The following TMEM132C variants were observed in gnomAD, a reference collection of about 807,000 sequenced individuals.
TMEM132C encodes protein phosphatase 1, regulatory subunit 152.
A neutral mutation model predicts 61.4 loss-of-function variants in TMEM132C; 29 were observed. That is an observed-to-expected ratio of 0.47 (90% CI 0.35 to 0.64). The LOEUF is 0.64. Ranked by LOEUF, TMEM132C falls within the 30% of genes least tolerant of loss-of-function variation. The pLI is 0.00. For missense variants in TMEM132C, 1,408 were observed against 1,476.9 expected, an observed-to-expected ratio of 0.95 and a Z score of 0.76; for synonymous variants, 656 against 633.1, an observed-to-expected ratio of 1.04 and a Z score of -0.54.
chr12:128,681,728 G>T (rs1233775063), intron 5 of TMEM132C, among the ~76,000 whole-genome samples: 1 of 146,414 alleles, frequency 6.8e-6, no homozygotes, highest in African/African-American at 2.5e-5. Context: ...ATCTTGGCTC[G>T]CTGCAACCTC....
At chr12:128,285,875 CCATCTCTAT>C (rs1871049154) in intron 1 of TMEM132C, among the ~76,000 whole-genome samples, 1 of 74,602 alleles carries the variant, frequency 1.3e-5, no homozygotes, top group African/African-American at 8.7e-5. Context: ...CTCTCTCTCC[CCATCTCTAT>C]CCCTCTCTCC....
intron 2 of TMEM132C, among the ~76,000 whole-genome samples, chr12:128,486,551 C>T (rs1422101355): frequency 2.0e-5 from 3 of 152,102 alleles, no homozygotes; most frequent in Non-Finnish European, 4.4e-5. Context: ...AAGTGTGGGT[C>T]GCTAAGACTT....
chr12:128,605,956 T>G (rs1198987419), intron 3 of TMEM132C, among the ~76,000 whole-genome samples: 1 of 152,230 alleles, frequency 6.6e-6, no homozygotes, highest in East Asian at 1.9e-4. Context: ...GGCAGAACCC[T>G]CTGCCCAGCA....
At chr12:128,381,565 G>A (rs546741010) in intron 1 of TMEM132C, among the ~76,000 whole-genome samples, 15 of 152,294 alleles carry the variant, frequency 9.8e-5, no homozygotes, top group African/African-American at 3.4e-4. Context: ...ACCTATGGAC[G>A]TGAGAGAGGA....
intron 3 of TMEM132C, among the ~76,000 whole-genome samples, chr12:128,581,470 A>G (rs1875332304): frequency 6.6e-6 from 1 of 152,162 alleles, no homozygotes; most frequent in South Asian, 2.1e-4. Context: ...GTTTCGCAGT[A>G]TTTCACAGCT....
chr12:128,318,459 C>T (rs893920450), intron 1 of TMEM132C, among the ~76,000 whole-genome samples: 5 of 152,182 alleles, frequency 3.3e-5, no homozygotes, highest in African/African-American at 9.6e-5. Context: ...ACTAATTTGA[C>T]TTGCTAAAGG....
At chr12:128,313,774 G>A (rs1046862139) in intron 1 of TMEM132C, among the ~76,000 whole-genome samples, 23 of 152,226 alleles carry the variant, frequency 1.5e-4, no homozygotes, top group African/African-American at 4.8e-4. Context: ...TCTGCTCCAT[G>A]AGGTGATTGC....
At chr12:128,549,983 TACACCCAATGGATC>T (rs1200093171) in intron 3 of TMEM132C, among the ~76,000 whole-genome samples, 1 of 152,124 alleles carries the variant, frequency 6.6e-6, no homozygotes, top group Non-Finnish European at 1.5e-5. Context: ...TGAAAGGAAA[TACACCCAATGGATC>T]ACCCCAGCTG....
intron 1 of TMEM132C, among the ~76,000 whole-genome samples, chr12:128,340,802 TC>T (rs1872936502): frequency 1.4e-5 from 2 of 139,680 alleles, no homozygotes; most frequent in South Asian, 4.3e-4. Context: ...TCTCTCTCTT[TC>T]TTTCTTTCTC....
intron 5 of TMEM132C, among the ~76,000 whole-genome samples, chr12:128,684,530 C>T (rs565179162): frequency 1.6e-4 from 24 of 152,348 alleles, no homozygotes; most frequent in African/African-American, 5.8e-4. Context: ...CAAGCTGGGC[C>T]AGGCAGCTCA....
chr12:128,462,359 G>A (rs1015212989), intron 2 of TMEM132C, among the ~76,000 whole-genome samples: 1 of 152,098 alleles, frequency 6.6e-6, no homozygotes, highest in Non-Finnish European at 1.5e-5. Context: ...CGCTGGCCTC[G>A]GCCTCCCAAA....
intron 1 of TMEM132C, among the ~76,000 whole-genome samples, chr12:128,413,689 CACTT>C (rs569042071): frequency 0.016 from 2,483 of 151,968 alleles, 23 homozygotes; most frequent in Non-Finnish European, 0.026. Context: ...ATCCTTTACT[CACTT>C]CTCTCTCAAT....
intron 4 of TMEM132C, among the ~76,000 whole-genome samples, chr12:128,655,912 C>G (rs1954321753): frequency 6.6e-6 from 1 of 152,172 alleles, no homozygotes; most frequent in African/African-American, 2.4e-5. Context: ...CTGAGAATAA[C>G]CGAAAACCTT....
chr12:128,700,101 C>G (rs138079344), intron 8 of TMEM132C, among the ~76,000 whole-genome samples: 5 of 152,258 alleles, frequency 3.3e-5, no homozygotes, highest in African/African-American at 4.8e-5. Flanking sequence ...CATTGCAACC[C>G]CCTTGGCATG....
chr12:128,639,441 G>T (rs899998835), intron 4 of TMEM132C, among the ~76,000 whole-genome samples: 1 of 148,678 alleles, frequency 6.7e-6, no homozygotes, highest in Non-Finnish European at 1.5e-5. Flanking sequence ...GAATGATGGT[G>T]ATGATAATCA....
intron 2 of TMEM132C, among the ~76,000 whole-genome samples, chr12:128,454,668 G>A (rs149873765): frequency 0.016 from 2,407 of 152,326 alleles, 26 homozygotes; most frequent in Non-Finnish European, 0.022. Context: ...ATATGGCTTG[G>A]AGTTGACACT....
chr12:128,454,382 C>G (rs1047221101), intron 2 of TMEM132C, among the ~76,000 whole-genome samples: 3 of 152,232 alleles, frequency 2.0e-5, no homozygotes, highest in African/African-American at 4.8e-5. Context: ...TGGATTTGCT[C>G]TTTCTCACCT....
intron 1 of TMEM132C, among the ~76,000 whole-genome samples, chr12:128,394,762 C>T (rs914985778): frequency 3.9e-5 from 6 of 152,118 alleles, no homozygotes; most frequent in Admixed American, 2.0e-4. Context: ...GAAAACCATA[C>T]GAGCCATACA....
At chr12:128,376,700 G>A (rs1483532619) in intron 1 of TMEM132C, among the ~76,000 whole-genome samples, 1 of 152,196 alleles carries the variant, frequency 6.6e-6, no homozygotes, top group Non-Finnish European at 1.5e-5. Flanking sequence ...AGATGAACAG[G>A]TCTAGTAAAG....
Sources: gnomAD v4.1 joint callset for allele counts (sites outside exome capture counted in the v4.1 genomes callset) on GRCh38, gnomAD v4.1.1 for gene constraint, MANE v1.5 for transcripts, NCBI Gene and HGNC (gene_info 2026-07-23, HGNC 2026-07-21) for gene names.